Variants in GJB7 observed in about 807,000 individuals in gnomAD.
GJB7 encodes the protein gap junction protein beta 7.
For missense variants in GJB7, 253 were observed against 256.8 expected (o/e 0.99, Z 0.10); for synonymous variants, 87 against 95.2 (o/e 0.91, Z 0.50).
Position 87,321,935 on chromosome 6 carries a change from G to A in GJB7, c.-28+931C>T, listed in dbSNP as rs79028088. On this transcript the variant is annotated intron_variant, in intron 2 of 2. Transcript: ENST00000525899. ...AACTCCATCATGGGAATGGCAAGGGGGAAGTCGGCCCCATGATTCAGTGAC... is the reference window on the plus strand; with the variant it reads ...AACTCCATCATGGGAATGGCAAGGGAGAAGTCGGCCCCATGATTCAGTGAC... Among the ~76,000 whole-genome samples the A allele has an allele frequency of 9.6e-3, 1,458 of 152,240 alleles. 34 individuals carry two copies. The highest frequency in any genetic ancestry group is 0.034 in the African/African-American group (1,409 of 41,546).
chr6:87,328,564 G>C (rs533190724), intron 1 of GJB7, among the ~76,000 whole-genome samples: 19 of 152,044 alleles, frequency 1.2e-4, no homozygotes, highest in African/African-American at 4.6e-4. Flanking sequence ...TAGGCTGCTC[G>C]GGGGTCAGGG....
At chr6:87,289,710 AG>A (rs1776133580) in intron 2 of GJB7, among the ~76,000 whole-genome samples, 1 of 152,152 alleles carries the variant, frequency 6.6e-6, no homozygotes, top group Admixed American at 6.5e-5. Context: ...ACCCCTGTTG[AG>A]CAGCCCACTT....
Position 87,319,328 on chromosome 6 carries a change from G to A in GJB7, c.-28+3538C>T, listed in dbSNP as rs1776625290. The stretch of plus-strand genomic sequence containing the variant: ...TATTCATATCCATGAAATGGGCAAG[G>A]CCTTCAGGCTTTTCTCTGTTATCTT... On this transcript the variant is annotated intron_variant, in intron 2 of 2. Transcript: ENST00000525899. 2.6e-5 allele frequency among the ~76,000 whole-genome samples: 4 copies of A among 152,296 alleles called. No individual in the cohort carries two copies. In the South Asian group the frequency reaches 8.3e-4, roughly 32 times the overall value.
chr6:87,298,975 A>T (rs538226627), intron 2 of GJB7: 2 of 465,952 alleles, frequency 4.3e-6, no homozygotes, highest in East Asian at 1.1e-4. Flanking sequence ...GTTCTAAAGT[A>T]ACAAAAGATG....
At chr6:87,314,256 G>A (rs1329231234) in intron 2 of GJB7, among the ~76,000 whole-genome samples, 1 of 152,062 alleles carries the variant, frequency 6.6e-6, no homozygotes, top group African/African-American at 2.4e-5. Context: ...GAAACTTTAG[G>A]ACCTTAGCCC....
intron 2 of GJB7, among the ~76,000 whole-genome samples, chr6:87,310,062 G>A (rs949024575): frequency 6.6e-6 from 1 of 151,998 alleles, no homozygotes; most frequent in South Asian, 2.1e-4. Flanking sequence ...GGGAGAAAAT[G>A]GTCTTTTCAA....
chr6:87,308,464 A>T (rs998825898), intron 2 of GJB7, among the ~76,000 whole-genome samples: 1 of 152,240 alleles, frequency 6.6e-6, no homozygotes. Context: ...AACTGAAAAA[A>T]GATTTATTAA....
At chr6:87,321,931 A>T (rs1164947868) in intron 2 of GJB7, among the ~76,000 whole-genome samples, 1 of 152,188 alleles carries the variant, frequency 6.6e-6, no homozygotes, top group Non-Finnish European at 1.5e-5. Flanking sequence ...GGGAATGGCA[A>T]GGGGGAAGTC....
At chr6:87,323,889 A>G (rs1264532434) in intron 1 of GJB7, among the ~76,000 whole-genome samples, 1 of 152,140 alleles carries the variant, frequency 6.6e-6, no homozygotes, top group African/African-American at 2.4e-5. Context: ...ACAGGCCACC[A>G]ACAGTGTAAA....
intron 2 of GJB7, among the ~76,000 whole-genome samples, chr6:87,295,120 A>T (rs1776231917): frequency 6.6e-6 from 1 of 152,230 alleles, no homozygotes; most frequent in East Asian, 1.9e-4. Flanking sequence ...GGCCAAAAAA[A>T]AAAATGGCAT....
Position 87,322,877 on chromosome 6 carries a change from C to T in GJB7, c.-39G>A, listed in dbSNP as rs1776704403. 1 of 152,366 alleles carries T rather than the reference C, an allele frequency of 6.6e-6. No homozygotes were observed. Among genetic ancestry groups the T allele is most frequent in the South Asian group, 2.1e-4 (1 of 4,826 alleles). The allele number at this position is 152,366 out of a possible 1,614,324, so 9.4% of individuals were successfully genotyped here. ...TTTCCCGTACTCACCTTGCGGGCTCCAGTTTGTTCGGTGCTTCATCCATGG... is the reference window on the plus strand; with the variant it reads ...TTTCCCGTACTCACCTTGCGGGCTCTAGTTTGTTCGGTGCTTCATCCATGG... On this transcript the variant is annotated 5_prime_UTR_variant, in exon 2 of 3. An upstream open reading frame in the 5' UTR gains an earlier in-frame stop. Transcript: ENST00000525899.
chr6:87,285,360 T>C (rs768041276), intron 2 of GJB7, among the ~76,000 whole-genome samples: 13 of 152,232 alleles, frequency 8.5e-5, no homozygotes, highest in Non-Finnish European at 1.8e-4. Context: ...CGCTATAGTC[T>C]CTACTCACTT....
intron 2 of GJB7, among the ~76,000 whole-genome samples, chr6:87,301,751 C>T (rs994359022): frequency 1.2e-4 from 18 of 152,214 alleles, no homozygotes; most frequent in Admixed American, 3.9e-4. Flanking sequence ...ACCCTGACCC[C>T]GGAGTAGCCT....
Position 87,308,625 on chromosome 6 carries a change from A to T in GJB7, c.-28+14241T>A, listed in dbSNP as rs570770545. Among the ~76,000 whole-genome samples, 475 of 152,168 alleles carry T rather than the reference A, an allele frequency of 3.1e-3. 1 individual carries two copies. The highest frequency in any genetic ancestry group is 4.6e-3 in the Non-Finnish European group (313 of 68,026). ...AGTCCAAAATGAGAGAAAAGAGAAA[A>T]TAGGGAGAAATAATTTTGATTATTG... On this transcript the variant is annotated intron_variant, in intron 2 of 2. Coordinates refer to ENST00000525899, the MANE Select transcript of GJB7 (RefSeq NM_198568.3).
intron 1 of GJB7, among the ~76,000 whole-genome samples, chr6:87,328,487 T>G (rs6454602): frequency 0.88 from 132,953 of 150,682 alleles, 58,788 homozygotes; most frequent in South Asian, 0.93. Flanking sequence ...ACCGTAAGCT[T>G]CAGGTCTGTT....
At chr6:87,326,906 C>G (rs1776836567) in intron 1 of GJB7, among the ~76,000 whole-genome samples, 2 of 107,512 alleles carry the variant, frequency 1.9e-5, no homozygotes, top group Non-Finnish European at 1.9e-5. Flanking sequence ...GAGTTTAAGT[C>G]TCTTTGTAGG....
intron 2 of GJB7, among the ~76,000 whole-genome samples, chr6:87,320,664 A>G: frequency 6.6e-6 from 1 of 152,224 alleles, no homozygotes; most frequent in Admixed American, 6.5e-5. Context: ...TGTAAGGTAT[A>G]CATTGGTTTG....
chr6:87,319,606 A>C (rs1443851341), intron 2 of GJB7, among the ~76,000 whole-genome samples: 1 of 152,190 alleles, frequency 6.6e-6, no homozygotes, highest in Non-Finnish European at 1.5e-5. Context: ...AATTTAACTT[A>C]TTTTGTCAGA....
At chr6:87,321,096 G>A (rs866909036) in intron 2 of GJB7, among the ~76,000 whole-genome samples, 9 of 152,082 alleles carry the variant, frequency 5.9e-5, no homozygotes, top group African/African-American at 1.9e-4. Context: ...GCATACACCT[G>A]TAGTCCCAGC....
Sources: allele counts gnomAD v4.1 joint callset (sites outside exome capture counted in the v4.1 genomes callset), GRCh38; gene constraint gnomAD v4.1.1; transcripts MANE v1.5; gene names NCBI Gene and HGNC (gene_info 2026-07-23, HGNC 2026-07-21).